The following ZP2 variants were observed in gnomAD, a reference collection of about 807,000 sequenced individuals.
ZP2 encodes the protein zona pellucida sperm-binding protein 2.
In ZP2, 51 loss-of-function variants were observed where a neutral mutation model predicts 84.0. That is an observed-to-expected ratio of 0.61 (90% CI 0.49 to 0.77). The LOEUF (loss-of-function observed/expected upper bound fraction) is 0.77, where lower values mean the gene tolerates loss of function less well. Ranked by LOEUF, ZP2 falls within the 30% of genes least tolerant of loss-of-function variation. The pLI is 0.00. For synonymous variants in ZP2, 375 were observed against 330.9 expected (o/e 1.13, Z -1.45); for missense variants, 909 against 911.9 (o/e 1.00, Z 0.04).
chr16:21,203,638 G>A (rs912189342), intron 9 of ZP2, among the ~76,000 whole-genome samples: 5 of 152,108 alleles, frequency 3.3e-5, no homozygotes, highest in African/African-American at 1.2e-4. Context: ...GGTATCCCTG[G>A]CAGTTCTAGT....
At position 21,197,545 on chromosome 16, in the gene ZP2, C is replaced by G. The variant is rs1297363965; in HGVS notation, c.2173G>C (p.Gly725Arg). 1 of 1,614,050 alleles carries G rather than the reference C, an allele frequency of 6.2e-7. No homozygotes were observed. Among genetic ancestry groups the G allele is most frequent in the Admixed American group, 1.7e-5 (1 of 60,004 alleles). ...ATGAAGCCTAGAGTTGCCACCACAC[C>G]TGCAAAGGCAGCCACAGCAGCCACA... The part of the protein sequence containing the change: ...KAVAAVAAFA[G>R]VVATLGFIYY... Residue 725 changes from glycine to arginine, a missense_variant, in exon 19 of 19, where the codon GGT becomes CGT. Gly to Arg is a moderately radical substitution (Grantham distance 125). Coordinates refer to ENST00000574091, the MANE Select transcript of ZP2 (RefSeq NM_001376232.1).
Position 21,199,789 on chromosome 16 carries a change from A to G in ZP2, c.1784T>C (p.Met595Thr), listed in dbSNP as rs751959579. 6.8e-6 allele frequency: 11 copies of G among 1,614,110 alleles called. No individual in the cohort carries two copies. The South Asian group carries it at 1.1e-4, about 16-fold the overall frequency. Residue 595 changes from methionine (M) to threonine (T), a missense_variant, in exon 15 of 19, where the codon ATG becomes ACG. Physicochemically the swap from Met to Thr is moderately conservative, Grantham distance 81 (BLOSUM62 -1). Transcript: ENST00000574091. ...THPDHYQRFD[M>T]KAFAFVSEAH... Reference sequence around the variant, plus strand: ...TTCTGATACAAAGGCAAAAGCCTTCATGTCAAACCTCTGATAGTGATCAGG... The same window carrying G: ...TTCTGATACAAAGGCAAAAGCCTTCGTGTCAAACCTCTGATAGTGATCAGG...
chr16:21,198,625 C>T (rs1293675321), intron 17 of ZP2, among the ~76,000 whole-genome samples, 154 bp downstream of exon 17: 2 of 152,162 alleles, frequency 1.3e-5, no homozygotes, highest in African/African-American at 2.4e-5. Context: ...ACACAGGAGA[C>T]TTAATAGAAG....
intron 3 of ZP2, 83 bp from the exon 4 acceptor site, chr16:21,209,808 C>A: frequency 7.9e-7 from 1 of 1,260,240 alleles, no homozygotes; most frequent in South Asian, 1.2e-5. Context: ...GACCACCAGT[C>A]CATTTCTAAG....
chr16:21,204,223 GA>G lies in ZP2; in HGVS notation c.791-13del. On this transcript the variant is annotated splice_polypyrimidine_tract_variant and intron_variant, in intron 8 of 18. Transcript: ENST00000574091. Reference sequence around the variant, plus strand: ...GCAGGTCACAGGATCTAGAAGGAATGACAACAGAATGCCCATTACCAGCCTT... The same window carrying G: ...GCAGGTCACAGGATCTAGAAGGAATGCAACAGAATGCCCATTACCAGCCTT... The G allele has an allele frequency of 3.1e-6, 5 of 1,614,090 alleles. No individual in the cohort carries two copies. Among genetic ancestry groups the G allele is most frequent in the Non-Finnish European group, 4.2e-6 (5 of 1,179,974 alleles).
chr16:21,203,248 A>C lies in ZP2; in HGVS notation c.976T>G (p.Ser326Ala), dbSNP rs1308983168. The C allele has an allele frequency of 1.9e-6, 3 of 1,613,520 alleles. No homozygotes were observed. Among genetic ancestry groups the C allele is most frequent in the Non-Finnish European group, 2.5e-6 (3 of 1,179,696 alleles). The change falls in exon 10 of 19, where the codon TCT (serine) becomes GCT (alanine). Residue 326 changes from serine to alanine, a missense_variant. Physicochemically the swap from Ser to Ala is moderately conservative, Grantham distance 99. Coordinates refer to ENST00000574091, the MANE Select transcript of ZP2 (RefSeq NM_001376232.1). ...FSKTLLKTKLSEKCLLHQFYL... is the reference protein window; with the variant it reads ...FSKTLLKTKLAEKCLLHQFYL... ...AACTGATGGAGTAGGCATTTTTCAG[A>C]TAACTGAAATGAGAAAATGTCAATT...
upstream of ZP2, among the ~76,000 whole-genome samples, chr16:21,211,954 G>T (rs1480862121): frequency 1.4e-5 from 2 of 146,452 alleles, no homozygotes; most frequent in African/African-American, 2.6e-5. Context: ...TTGAGATTCA[G>T]TTTCACTCTG....
At chr16:21,210,013 G>A (rs554341730) in intron 3 of ZP2, 96 bp downstream of exon 3, 75 of 1,110,986 alleles carry the variant, frequency 6.8e-5, no homozygotes, top group Non-Finnish European at 9.1e-5. Context: ...TGCCGTTGCT[G>A]CAGGAGTTTG....
In ZP2 at chr16:21,209,746, T is replaced by A. The variant is rs200323111; in HGVS notation, c.236-21A>T. The A allele has an allele frequency of 2.2e-5, 36 of 1,610,298 alleles. No individual in the cohort carries two copies. The East Asian group carries it at 7.6e-4, about 34-fold the overall frequency. On this transcript the variant is annotated intron_variant, in intron 3 of 18. Coordinates refer to ENST00000574091, the MANE Select transcript of ZP2 (RefSeq NM_001376232.1). ...AGGATCTGCCAAGGCCAGAGCAGGTTAGACAGGATGGCTGAGTACATTTCA... is the reference window on the plus strand; with the variant it reads ...AGGATCTGCCAAGGCCAGAGCAGGTAAGACAGGATGGCTGAGTACATTTCA...
intron 10 of ZP2, among the ~76,000 whole-genome samples, chr16:21,202,681 A>G (rs756319550): frequency 5.3e-5 from 8 of 152,168 alleles, no homozygotes; most frequent in Non-Finnish European, 1.2e-4. Context: ...TTGGGGAGAA[A>G]CTGAGGCAGG....
At position 21,201,945 on chromosome 16, in the gene ZP2, C is replaced by CT. The variant is rs747802551; in HGVS notation, c.1365dup (p.Asp456ArgfsTer3). 1.2e-6 allele frequency: 2 copies of CT among 1,613,870 alleles called. No homozygotes were observed. Among genetic ancestry groups the CT allele is most frequent in the African/African-American group, 2.7e-5 (2 of 74,896 alleles). The stretch of plus-strand genomic sequence containing the variant: ...ATTTTATCTCACCTGAACTCACTGT[C>CT]TCTAGATATTTTGCTTGGAGGAAAA... On this transcript the variant is annotated frameshift_variant, in exon 12 of 19. Coordinates refer to ENST00000574091, the MANE Select transcript of ZP2 (RefSeq NM_001376232.1). LOFTEE classifies it high-confidence loss of function.
At position 21,198,770 on chromosome 16, in the gene ZP2, G is replaced by A; in HGVS notation, c.2011+9C>T. ...AATCCAGGAAGTACTCCAGGCTTTAGGTCCATACCTCTGAATGAGGAGTCA... is the reference window on the plus strand; with the variant it reads ...AATCCAGGAAGTACTCCAGGCTTTAAGTCCATACCTCTGAATGAGGAGTCA... On this transcript the variant is annotated intron_variant, in intron 17 of 18. Coordinates refer to ENST00000574091, the MANE Select transcript of ZP2 (RefSeq NM_001376232.1). 6.2e-7 allele frequency: 1 copy of A among 1,613,326 alleles called. No individual in the cohort carries two copies. The highest frequency in any genetic ancestry group is 2.2e-5 in the East Asian group (1 of 44,856).
intron 5 of ZP2, 104 bp from the exon 6 acceptor site, chr16:21,205,879 G>T: frequency 2.7e-6 from 3 of 1,097,048 alleles, no homozygotes; most frequent in Non-Finnish European, 4.1e-6. Context: ...GGCCTGCTGT[G>T]GGATGCAGTG....
At chr16:21,201,616 A>G in intron 13 of ZP2, 58 bp from the exon 14 acceptor site, 1 of 1,607,108 alleles carries the variant, frequency 6.2e-7, no homozygotes, top group South Asian at 1.1e-5. Flanking sequence ...ATAGGTCATC[A>G]CTGCTCCATT....
At chr16:21,206,068 G>A (rs1567215243) in intron 5 of ZP2, 1 of 408,936 alleles carries the variant, frequency 2.4e-6, no homozygotes, top group East Asian at 5.1e-5. Context: ...TGCAATCTCG[G>A]CTCCCTGCAA....
chr16:21,206,989 T>A lies in ZP2; in HGVS notation c.332A>T (p.His111Leu), dbSNP rs1413648657. 1 of 1,614,144 alleles carries A rather than the reference T, an allele frequency of 6.2e-7. No individual in the cohort carries two copies. Among genetic ancestry groups the A allele is most frequent in the East Asian group, 2.2e-5 (1 of 44,882 alleles). ...ATYDNCTRRV[H>L]GGHQMTIRVM... Reference sequence around the variant, plus strand: ...TCTGATGGTCATCTGGTGTCCACCATGCTGTGTACAGATAGCACAGTGGGA... The same window carrying A: ...TCTGATGGTCATCTGGTGTCCACCAAGCTGTGTACAGATAGCACAGTGGGA... The change falls in exon 5 of 19, where the codon CAT becomes CTT. Residue 111 changes from histidine to leucine, a missense_variant and splice_region_variant. By Grantham distance (99) the His-to-Leu change is moderately conservative (BLOSUM62 -3). Coordinates refer to ENST00000574091, the MANE Select transcript of ZP2 (RefSeq NM_001376232.1).
chr16:21,199,570 C>A lies in ZP2; in HGVS notation c.1927G>T (p.Ala643Ser). ...AGAAACAGGAATTTGAAGTTTTTAC[C>A]TCGCCTGTGCCTAGAGGACACAGGG... Reference protein sequence around the residue: ...TCPVSSRHRRATGATEAEKMT... With the variant: ...TCPVSSRHRRSTGATEAEKMT... The change falls in exon 16 of 19, where the codon GCC becomes TCC. Residue 643 changes from alanine (A) to serine (S), a missense_variant and splice_region_variant. By Grantham distance (99) the Ala-to-Ser change is moderately conservative (BLOSUM62 1). Coordinates refer to ENST00000574091, the MANE Select transcript of ZP2 (RefSeq NM_001376232.1). The A allele has an allele frequency of 6.4e-7, 1 of 1,570,298 alleles. No individual in the cohort carries two copies. Among genetic ancestry groups the A allele is most frequent in the South Asian group, 1.2e-5 (1 of 83,128 alleles).
rs182805768 is a variant in ZP2 at position 21,202,038 on chromosome 16, A to G, written c.1288-15T>C. The G allele has an allele frequency of 4.3e-6, 7 of 1,613,850 alleles. No individual in the cohort carries two copies. In the Admixed American group the frequency reaches 6.7e-5, roughly 15 times the overall value. ...TCATCTTCGAACTTAAATGTCAGAG[A>G]AAGTGGGTTAGCAGCCAGTTATGTC... is the stretch of plus-strand genomic sequence containing the variant. On this transcript the variant is annotated splice_polypyrimidine_tract_variant and intron_variant, in intron 11 of 18. Transcript: ENST00000574091.
rs901462492 is a variant in ZP2 at position 21,211,497 on chromosome 16, A to G, written c.51T>C (p.Asn17=). The G allele has an allele frequency of 1.9e-6, 3 of 1,614,048 alleles. No individual in the cohort carries two copies. The African/African-American group carries it at 4.0e-5, about 22-fold the overall frequency. The change falls in exon 1 of 19, where the codon AAT becomes AAC. Residue 17 remains asparagine, a synonymous_variant. Transcript: ENST00000574091. ...CCAGAATTACTCACCTCCAGCCTGCATTGAACCAGCCTGAGGGACTCCAAG... is the reference window on the plus strand; with the variant it reads ...CCAGAATTACTCACCTCCAGCCTGCGTTGAACCAGCCTGAGGGACTCCAAG... ...GGSWSPSGWF[N]AGWSTYRSIS... is the part of the protein sequence containing the mutation.
Sources: gnomAD v4.1 joint callset for allele counts (sites outside exome capture counted in the v4.1 genomes callset) on GRCh38, gnomAD v4.1.1 for gene constraint, MANE v1.5 for transcripts, NCBI Gene and HGNC (gene_info 2026-07-23, HGNC 2026-07-21) for gene names.